Variants in TRPS1 observed in about 807,000 individuals in gnomAD.
TRPS1 encodes transcriptional repressor GATA binding 1.
A neutral mutation model predicts 101.2 loss-of-function variants in TRPS1; 6 were observed. The ratio of observed to expected loss-of-function variants is 0.06; its 90% CI spans 0.03 to 0.12. The LOEUF is 0.12. Ranked by LOEUF, TRPS1 falls within the 10% of genes least tolerant of loss-of-function variation. The pLI, the probability that TRPS1 is intolerant of heterozygous loss-of-function variation, is 1.00. For missense variants in TRPS1, 1,363 were observed against 1,567.0 expected (o/e 0.87, Z 2.20); for synonymous variants, 578 against 589.8 (o/e 0.98, Z 0.29).
intron 1 of TRPS1, among the ~76,000 whole-genome samples, chr8:115,664,696 A>G (rs1199225307): frequency 6.6e-6 from 1 of 152,138 alleles, no homozygotes; most frequent in African/African-American, 2.4e-5. Context: ...ACAAAATACG[A>G]GCCCATAAAA....
chr8:115,476,666 C>T (rs1164476813), intron 5 of TRPS1, among the ~76,000 whole-genome samples: 1 of 152,154 alleles, frequency 6.6e-6, no homozygotes. Flanking sequence ...TCTGCCTAAC[C>T]AGCAAGCAGC....
chr8:115,532,316 G>C (rs1288044416), intron 5 of TRPS1, among the ~76,000 whole-genome samples: 2 of 151,780 alleles, frequency 1.3e-5, no homozygotes, highest in African/African-American at 4.8e-5. Flanking sequence ...GATGAAAACT[G>C]TAAGTCAGAG....
chr8:115,447,285 G>A (rs1376258022), intron 5 of TRPS1, among the ~76,000 whole-genome samples: 2 of 152,192 alleles, frequency 1.3e-5, no homozygotes, highest in Admixed American at 1.3e-4. Flanking sequence ...ACAAAGCGGA[G>A]TTGCTCAAAT....
intron 5 of TRPS1, among the ~76,000 whole-genome samples, chr8:115,466,163 G>A (rs1244888889): frequency 6.6e-6 from 1 of 151,962 alleles, no homozygotes; most frequent in African/African-American, 2.4e-5. Context: ...GGAAAGTGGT[G>A]GCTAAAAAAA....
intron 5 of TRPS1, among the ~76,000 whole-genome samples, chr8:115,538,530 C>T (rs1816376315): frequency 6.6e-6 from 1 of 151,690 alleles, no homozygotes; most frequent in African/African-American, 2.4e-5. Flanking sequence ...AATCCAACTA[C>T]CCAAATGACT....
intron 4 of TRPS1, among the ~76,000 whole-genome samples, chr8:115,597,309 G>A (rs951312328): frequency 2.0e-5 from 3 of 151,860 alleles, no homozygotes; most frequent in Non-Finnish European, 4.4e-5. Context: ...TGTTTTCTGA[G>A]ATTAATAAAG....
intron 5 of TRPS1, among the ~76,000 whole-genome samples, chr8:115,518,589 T>C (rs1312865379): frequency 6.6e-6 from 1 of 151,816 alleles, no homozygotes; most frequent in Admixed American, 6.6e-5. Context: ...TTATGAATTA[T>C]TTTTCCTAAA....
At chr8:115,436,511 G>T (rs530317416) in intron 5 of TRPS1, among the ~76,000 whole-genome samples, 2 of 152,242 alleles carry the variant, frequency 1.3e-5, no homozygotes, top group South Asian at 4.2e-4. Context: ...CACTGGCTCT[G>T]GTGTACAGCA....
intron 5 of TRPS1, among the ~76,000 whole-genome samples, chr8:115,518,322 C>T (rs1013541672): frequency 1.3e-4 from 20 of 151,660 alleles, no homozygotes. Context: ...CAGGCTAAAG[C>T]AAAAACTATT....
intron 5 of TRPS1, among the ~76,000 whole-genome samples, chr8:115,475,646 G>A: frequency 6.6e-6 from 1 of 152,058 alleles, no homozygotes; most frequent in East Asian, 1.9e-4. Context: ...GTAAACCACA[G>A]ACATAAACTT....
At chr8:115,469,651 C>G (rs1404534357) in intron 5 of TRPS1, among the ~76,000 whole-genome samples, 1 of 152,012 alleles carries the variant, frequency 6.6e-6, no homozygotes, top group African/African-American at 2.4e-5. Flanking sequence ...CAAGTAGCTT[C>G]CACCAGATAC....
chr8:115,547,960 G>A (rs1816613943), intron 5 of TRPS1, among the ~76,000 whole-genome samples: 1 of 152,078 alleles, frequency 6.6e-6, no homozygotes, highest in Admixed American at 6.6e-5. Flanking sequence ...GCCAGGCATA[G>A]TGGCTCACAT....
chr8:115,478,672 C>A (rs1254106145), intron 5 of TRPS1, among the ~76,000 whole-genome samples: 1 of 151,744 alleles, frequency 6.6e-6, no homozygotes, highest in Non-Finnish European at 1.5e-5. Context: ...GGTGTGGTGG[C>A]AGGTGCCTGT....
At chr8:115,646,778 A>G (rs1418889436) in intron 1 of TRPS1, among the ~76,000 whole-genome samples, 1 of 152,186 alleles carries the variant, frequency 6.6e-6, no homozygotes, top group African/African-American at 2.4e-5. Context: ...TATTTTTATC[A>G]TAAGGTCATG....
At chr8:115,458,349 C>A (rs1814081121) in intron 5 of TRPS1, among the ~76,000 whole-genome samples, 1 of 152,026 alleles carries the variant, frequency 6.6e-6, no homozygotes, top group Non-Finnish European at 1.5e-5. Flanking sequence ...AAAGGACATG[C>A]CATCCTTTTA....
At chr8:115,542,798 T>C (rs777944259) in intron 5 of TRPS1, among the ~76,000 whole-genome samples, 48 of 152,188 alleles carry the variant, frequency 3.2e-4, no homozygotes, top group Non-Finnish European at 5.6e-4. Flanking sequence ...AAACGGGTTA[T>C]ATAAATGCTA....
At chr8:115,477,133 GA>G (rs567774269) in intron 5 of TRPS1, among the ~76,000 whole-genome samples, 13 of 152,182 alleles carry the variant, frequency 8.5e-5, no homozygotes, top group African/African-American at 2.9e-4. Flanking sequence ...TGAATTAAGT[GA>G]GAAATGTGAC....
chr8:115,456,202 G>A (rs189037696), intron 5 of TRPS1, among the ~76,000 whole-genome samples: 4 of 152,184 alleles, frequency 2.6e-5, no homozygotes, highest in African/African-American at 9.6e-5. Context: ...CCTGTGCAAC[G>A]AAGTGTGGAA....
Position 115,411,104 on chromosome 8 carries a change from TATA to T in TRPS1, c.*2916_*2918del, listed in dbSNP as rs147988300. 6 of 152,188 alleles carry T rather than the reference TATA, an allele frequency of 3.9e-5. No individual in the cohort carries two copies. The highest frequency in any genetic ancestry group is 5.9e-5 in the Non-Finnish European group (4 of 67,896). The allele number at this position is 152,188 out of a possible 1,614,324, so 9.4% of individuals were successfully genotyped here. On this transcript the variant is annotated 3_prime_UTR_variant, in exon 7 of 7. Transcript: ENST00000395715. ...CCAACCTCTTCTCCACCAAAATATG[TATA>T]ATAATGAAAGCAAAAAATGAAAATA...
Sources: allele counts gnomAD v4.1 joint callset (sites outside exome capture counted in the v4.1 genomes callset), GRCh38; gene constraint gnomAD v4.1.1; transcripts MANE v1.5; gene names NCBI Gene and HGNC (gene_info 2026-07-23, HGNC 2026-07-21).